The following THADA variants were observed in gnomAD, a reference collection of about 807,000 sequenced individuals.
THADA encodes tRNA (32-2'-O)-methyltransferase regulator THADA.
THADA carries 213 observed loss-of-function variants against 219.8 expected under a neutral mutation model. That is an observed-to-expected ratio of 0.97 (90% confidence interval 0.87 to 1.09). The LOEUF (loss-of-function observed/expected upper bound fraction) is 1.09, where lower values mean the gene tolerates loss of function less well. Among genes scored for constraint, THADA ranks in the 50% least tolerant of loss-of-function variants. The pLI is 0.00. For synonymous variants in THADA, 1,018 were observed against 828.9 expected (o/e 1.23, Z -3.92); for missense variants, 2,956 against 2,311.3 (o/e 1.28, Z -5.72).
intron 29 of THADA, among the ~76,000 whole-genome samples, chr2:43,369,667 C>T (rs749680106): frequency 7.2e-5 from 11 of 152,168 alleles, no homozygotes; most frequent in Non-Finnish European, 1.3e-4. Flanking sequence ...CCAGGACAGG[C>T]ACTTGGGAAT....
intron 28 of THADA, among the ~76,000 whole-genome samples, chr2:43,407,829 G>C (rs928940118): frequency 2.6e-4 from 40 of 151,952 alleles, no homozygotes; most frequent in African/African-American, 8.9e-4. Flanking sequence ...ATAAATATAT[G>C]TGGGTTTTCA....
At chr2:43,567,778 C>G (rs1324220781) in intron 14 of THADA, among the ~76,000 whole-genome samples, 1 of 152,244 alleles carries the variant, frequency 6.6e-6, no homozygotes, top group Non-Finnish European at 1.5e-5. Flanking sequence ...GCTGAGCACA[C>G]TATCCTACAT....
At position 43,493,206 on chromosome 2, in the gene THADA, A is replaced by G. The variant is rs576386426; in HGVS notation, c.3744+5627T>C. On this transcript the variant is annotated intron_variant, in intron 25 of 37. Coordinates refer to ENST00000405975, the MANE Select transcript of THADA (RefSeq NM_022065.5). ...GAAGCAAGCTAAATATACACCAGAT[A>G]AAAATATAGGCCAGGCGCAGTGGCT... 2.0e-5 allele frequency among the ~76,000 whole-genome samples: 3 copies of G among 152,286 alleles called. No homozygotes were observed. The East Asian group carries it at 5.8e-4, about 29-fold the overall frequency.
At chr2:43,433,437 G>T (rs1366519790) in intron 26 of THADA, among the ~76,000 whole-genome samples, 2 of 151,992 alleles carry the variant, frequency 1.3e-5, no homozygotes, top group African/African-American at 2.4e-5. Context: ...GCTGAGGCAG[G>T]AGAATCACTT....
intron 19 of THADA, 136 bp from the exon 20 acceptor site, chr2:43,549,504 G>C (rs1696498676): frequency 4.6e-6 from 4 of 862,960 alleles, no homozygotes; most frequent in Non-Finnish European, 6.9e-6. Flanking sequence ...TCACAAGGTG[G>C]ATAATATGAA....
chr2:43,549,388 G>A lies in THADA; in HGVS notation c.2948-20C>T, dbSNP rs758113820. On this transcript the variant is annotated intron_variant, in intron 19 of 37. Transcript: ENST00000405975. ...CTGACTCTGAGGGAAAGAAATGAGCGTACATGAAACCCAGTAACACATCAC... is the reference window on the plus strand; with the variant it reads ...CTGACTCTGAGGGAAAGAAATGAGCATACATGAAACCCAGTAACACATCAC... 1.9e-4 allele frequency: 303 copies of A among 1,590,426 alleles called. 2 individuals are homozygous for A. The highest frequency in any genetic ancestry group is 1.7e-3 in the South Asian group (144 of 86,514).
chr2:43,512,377 C>T (rs532161343), intron 22 of THADA, among the ~76,000 whole-genome samples: 9 of 152,346 alleles, frequency 5.9e-5, no homozygotes, highest in African/African-American at 1.9e-4. Flanking sequence ...CCAGGCAAGT[C>T]CTGACCTCAA....
chr2:43,478,178 T>G (rs1349107416), intron 26 of THADA, among the ~76,000 whole-genome samples: 1 of 152,196 alleles, frequency 6.6e-6, no homozygotes, highest in Non-Finnish European at 1.5e-5. Flanking sequence ...ATAAGGAGTA[T>G]TCAATGAAAA....
chr2:43,292,789 A>C, intron 32 of THADA, 45 bp downstream of exon 32: 2 of 1,575,652 alleles, frequency 1.3e-6, no homozygotes, highest in Non-Finnish European at 1.7e-6. Context: ...CTCACAAAAG[A>C]ATGTGGGGAG....
intron 30 of THADA, among the ~76,000 whole-genome samples, chr2:43,322,727 C>T (rs1327135278): frequency 4.7e-5 from 6 of 128,536 alleles, no homozygotes; most frequent in Non-Finnish European, 7.9e-5. Context: ...TCTCTGTCAC[C>T]CAGGCTGGAG....
At chr2:43,324,587 G>A (rs1269836715) in intron 30 of THADA, among the ~76,000 whole-genome samples, 1 of 152,120 alleles carries the variant, frequency 6.6e-6, no homozygotes, top group Non-Finnish European at 1.5e-5. Context: ...TCACAGAGTT[G>A]GGCTTCACTC....
At chr2:43,555,768 C>T (rs914540298) in intron 17 of THADA, among the ~76,000 whole-genome samples, 2 of 152,100 alleles carry the variant, frequency 1.3e-5, no homozygotes, top group African/African-American at 4.8e-5. Flanking sequence ...TATATCTGAT[C>T]TCCCTTTTCC....
At chr2:43,335,406 C>T (rs1045786818) in intron 30 of THADA, among the ~76,000 whole-genome samples, 2 of 152,202 alleles carry the variant, frequency 1.3e-5, no homozygotes, top group Admixed American at 1.3e-4. Context: ...CCTCCAGCCT[C>T]TGTGGGCTGT....
At chr2:43,411,434 C>G (rs138423153) in intron 28 of THADA, among the ~76,000 whole-genome samples, 313 of 152,302 alleles carry the variant, frequency 2.1e-3, no homozygotes, top group African/African-American at 7.2e-3. Context: ...ATAAACTCAC[C>G]TGCTGTATTC....
At chr2:43,388,830 G>A (rs1673005666) in intron 29 of THADA, among the ~76,000 whole-genome samples, 1 of 152,146 alleles carries the variant, frequency 6.6e-6, no homozygotes, top group Admixed American at 6.5e-5. Context: ...ATGTTTTACA[G>A]TATTATTTCA....
intron 36 of THADA, among the ~76,000 whole-genome samples, chr2:43,277,747 T>C (rs998531582): frequency 6.6e-6 from 1 of 152,226 alleles, no homozygotes; most frequent in Non-Finnish European, 1.5e-5. Context: ...TATTTTACTG[T>C]GGCATTTAGT....
intron 31 of THADA, among the ~76,000 whole-genome samples, chr2:43,302,021 A>T (rs1268719030): frequency 1.3e-5 from 2 of 151,230 alleles, no homozygotes; most frequent in African/African-American, 4.9e-5. Context: ...GCAGACTGTA[A>T]TTTTTAAACC....
At chr2:43,576,706 G>A (rs1020118298) in intron 10 of THADA, among the ~76,000 whole-genome samples, 5 of 152,146 alleles carry the variant, frequency 3.3e-5, no homozygotes, top group African/African-American at 1.2e-4. Context: ...CCAGGCTTGA[G>A]TGCAGTGGCA....
intron 29 of THADA, among the ~76,000 whole-genome samples, chr2:43,380,454 T>A (rs941417519): frequency 1.3e-5 from 2 of 152,140 alleles, no homozygotes; most frequent in African/African-American, 2.4e-5. Context: ...TTGGACAAAG[T>A]TTACAGATAT....
Sources: allele counts gnomAD v4.1 joint callset (sites outside exome capture counted in the v4.1 genomes callset), GRCh38; gene constraint gnomAD v4.1.1; transcripts MANE v1.5; gene names NCBI Gene and HGNC (gene_info 2026-07-23, HGNC 2026-07-21).